Variants in AKAP19 observed in about 807,000 individuals in gnomAD.
AKAP19 encodes the protein small A-kinase anchoring protein.
chr2:189,898,881 G>A, the AKAP19 span, among the ~76,000 whole-genome samples: 3 of 152,110 alleles, frequency 2.0e-5, no homozygotes, highest in Non-Finnish European at 2.9e-5. Context: ...ACTCTCTTGT[G>A]TTCCTTGTTA....
the AKAP19 span, among the ~76,000 whole-genome samples, chr2:190,194,477 T>TACACACACACACACACAC: frequency 2.8e-5 from 4 of 141,370 alleles, no homozygotes; most frequent in South Asian, 2.3e-4. Context: ...ATCCTGTGTA[T>TACACACACACACACACAC]ACACACACAC....
chr2:189,996,903 G>A, the AKAP19 span, among the ~76,000 whole-genome samples: 2 of 152,162 alleles, frequency 1.3e-5, no homozygotes, highest in Non-Finnish European at 2.9e-5. Flanking sequence ...CAGGCTCTGG[G>A]CTGGTGTTGG....
chr2:189,958,239 T>A, the AKAP19 span, among the ~76,000 whole-genome samples: 1 of 152,124 alleles, frequency 6.6e-6, no homozygotes, highest in East Asian at 1.9e-4. Context: ...TGAAAAGCAC[T>A]TCGCAAGTGG....
chr2:190,137,620 G>A, the AKAP19 span: 1 of 152,152 alleles, frequency 6.6e-6, no homozygotes, highest in Non-Finnish European at 1.5e-5. Flanking sequence ...ATTTACCAGA[G>A]TCTTTTGCCT....
the AKAP19 span, among the ~76,000 whole-genome samples, chr2:190,119,694 A>G: frequency 1.3e-5 from 2 of 152,162 alleles, no homozygotes; most frequent in Non-Finnish European, 2.9e-5. Flanking sequence ...TTTCCTCTCT[A>G]TCTGCCTAAA....
the AKAP19 span, among the ~76,000 whole-genome samples, chr2:190,177,082 T>C: frequency 1.3e-5 from 2 of 152,242 alleles, no homozygotes; most frequent in African/African-American, 4.8e-5. The surrounding 1 kb of genome is among the most constrained non-coding windows in gnomAD (Gnocchi z 4.6). Flanking sequence ...TCAATGGTCA[T>C]ACCTATGTGC....
chr2:190,057,354 C>T, the AKAP19 span: 2 of 1,613,444 alleles, frequency 1.2e-6, no homozygotes, highest in African/African-American at 1.3e-5. Flanking sequence ...TTGGAGACAT[C>T]TTTGTGGGAG....
the AKAP19 span, among the ~76,000 whole-genome samples, chr2:189,940,140 G>A: frequency 6.6e-6 from 1 of 152,088 alleles, no homozygotes; most frequent in Non-Finnish European, 1.5e-5. Context: ...TTAGCCTAGT[G>A]TGGTGGTGGG....
the AKAP19 span, among the ~76,000 whole-genome samples, chr2:190,188,766 T>G: frequency 6.6e-6 from 1 of 152,264 alleles, no homozygotes; most frequent in South Asian, 2.1e-4. Flanking sequence ...GAACAGTAGA[T>G]GCTTCACATG....
chr2:189,922,487 C>T, the AKAP19 span, among the ~76,000 whole-genome samples: 2 of 152,164 alleles, frequency 1.3e-5, no homozygotes, highest in African/African-American at 2.4e-5. Context: ...TTGATCCCTG[C>T]TGGTGAATTC....
the AKAP19 span, among the ~76,000 whole-genome samples, chr2:190,095,249 G>A: frequency 6.6e-6 from 1 of 152,072 alleles, no homozygotes; most frequent in South Asian, 2.1e-4. Context: ...CCAGGACAAT[G>A]ATCCATGAAA....
At chr2:190,057,133 C>G in the AKAP19 span, 2 of 976,716 alleles carry the variant, frequency 2.0e-6, no homozygotes, top group Non-Finnish European at 3.1e-6. Flanking sequence ...CATACTGTAG[C>G]TTATGCTTAA....
the AKAP19 span, among the ~76,000 whole-genome samples, chr2:190,069,585 T>C: frequency 1.3e-5 from 2 of 152,192 alleles, no homozygotes; most frequent in Admixed American, 1.3e-4. Flanking sequence ...AGTTCTTTCT[T>C]GGAGACTCAT....
the AKAP19 span, among the ~76,000 whole-genome samples, chr2:190,021,331 T>A: frequency 6.6e-6 from 1 of 152,250 alleles, no homozygotes; most frequent in Non-Finnish European, 1.5e-5. Flanking sequence ...TAATGATTCC[T>A]GTATTATTTA....
the AKAP19 span, among the ~76,000 whole-genome samples, chr2:190,101,373 C>T: frequency 6.6e-6 from 1 of 152,208 alleles, no homozygotes; most frequent in African/African-American, 2.4e-5. Context: ...TGGAACCAGT[C>T]TGTGTGTGCC....
At chr2:190,057,645 GA>G in the AKAP19 span, 2 of 1,612,702 alleles carry the variant, frequency 1.2e-6, no homozygotes. Context: ...GATTCTGTTT[GA>G]AAAGGAAAGA....
chr2:190,203,121 T>C, the AKAP19 span: 1 of 167,062 alleles, frequency 6.0e-6, no homozygotes, highest in Non-Finnish European at 1.5e-5. Flanking sequence ...TCAGTATCAT[T>C]GGCCTTTTAT....
At chr2:189,896,519 A>C in the AKAP19 span, among the ~76,000 whole-genome samples, 358 of 152,194 alleles carry the variant, frequency 2.4e-3, 1 homozygote, top group Non-Finnish European at 4.2e-3. Context: ...TTCTTTCCCA[A>C]CTACCAAATA....
chr2:189,991,585 T>C, the AKAP19 span, among the ~76,000 whole-genome samples: 1 of 152,200 alleles, frequency 6.6e-6, no homozygotes, highest in South Asian at 2.1e-4. Context: ...TCTTTATAGA[T>C]TCTGGTTATT....
Sources: allele counts gnomAD v4.1 joint callset (sites outside exome capture counted in the v4.1 genomes callset), GRCh38; gene constraint gnomAD v4.1.1; non-coding constraint Gnocchi (gnomAD v3.1); transcripts MANE v1.5; gene names NCBI Gene and HGNC (gene_info 2026-07-23, HGNC 2026-07-21).